The following ZNF76 variants were observed in gnomAD, a reference collection of about 807,000 sequenced individuals.
ZNF76 encodes zinc finger protein 523.
In ZNF76, 66 loss-of-function variants were observed where a neutral mutation model predicts 66.9. That is an observed-to-expected ratio of 0.99 (90% CI 0.81 to 1.21). The LOEUF is 1.21. Among genes scored for constraint, ZNF76 ranks in the 50% most tolerant of loss-of-function variants. The pLI is 0.00. For synonymous variants in ZNF76, 275 were observed against 296.1 expected (o/e 0.93, Z 0.73); for missense variants, 729 against 760.3 (o/e 0.96, Z 0.48).
rs1413725690 is a variant in ZNF76 at position 35,281,331 on chromosome 6, C to T, written c.73+107C>T. On this transcript the variant is annotated intron_variant, in intron 2 of 13. Transcript: ENST00000373953. Reference sequence around the variant, plus strand: ...TCACCTTGCCCTCCCGCCTGCTTACCCTTGCCCACCACCACAATTTGCTCT... The same window carrying T: ...TCACCTTGCCCTCCCGCCTGCTTACTCTTGCCCACCACCACAATTTGCTCT... 3.1e-6 allele frequency: 3 copies of T among 983,596 alleles called. No individual in the cohort carries two copies. In the Admixed American group the frequency reaches 5.6e-5, roughly 18 times the overall value. The allele number at this position is 983,596 out of a possible 1,614,324, so 60.9% of individuals were successfully genotyped here.
chr6:35,274,372 G>A (rs1451671662), intron 1 of ZNF76, among the ~76,000 whole-genome samples: 4 of 152,242 alleles, frequency 2.6e-5, no homozygotes, highest in Admixed American at 6.5e-5. Flanking sequence ...GAAGACAATA[G>A]AATAGCGAAC....
At position 35,290,295 on chromosome 6, in the gene ZNF76, T is replaced by C. The variant is rs753416409; in HGVS notation, c.462T>C (p.Asn154=). 52 of 1,614,084 alleles carry C rather than the reference T, an allele frequency of 3.2e-5. No individual in the cohort carries two copies. The highest frequency in any genetic ancestry group is 4.2e-5 in the Non-Finnish European group (49 of 1,180,002). ...KVLHDSQIPR[N]GKGQQVGDRA... The stretch of plus-strand genomic sequence containing the variant: ...TTCATGACAGCCAGATTCCCCGTAA[T>C]GGAAAAGGGCAGCAAGTTGGAGACA... The change falls in exon 6 of 14, where the codon AAT becomes AAC. Residue 154 remains asparagine, a synonymous_variant. Transcript: ENST00000373953.
intron 1 of ZNF76, among the ~76,000 whole-genome samples, chr6:35,265,957 G>A (rs369835298): frequency 7.0e-4 from 106 of 152,158 alleles, no homozygotes; most frequent in African/African-American, 2.5e-3. Flanking sequence ...AAGCTATAAC[G>A]GGGCAAAAAT....
At position 35,286,226 on chromosome 6, in the gene ZNF76, C is replaced by G; in HGVS notation, c.154+18C>G. 1 of 1,613,900 alleles carries G rather than the reference C, an allele frequency of 6.2e-7. No homozygotes were observed. Among genetic ancestry groups the G allele is most frequent in the Non-Finnish European group, 8.5e-7 (1 of 1,179,752 alleles). ...ACAGAAAGGTGAGGGCACCCCAACA[C>G]ACCATGCCTTGTCGAGGGAAGCCTG... is the stretch of plus-strand genomic sequence containing the variant. On this transcript the variant is annotated intron_variant, in intron 3 of 13. Coordinates refer to ENST00000373953, the MANE Select transcript of ZNF76 (RefSeq NM_003427.5).
chr6:35,291,390 C>T lies in ZNF76; in HGVS notation c.738C>T (p.Val246=). ...CCTCAGGAGACCTGCAGAAGCATGTCCGTACCCACACTGGTATGCTGGGCC... is the reference window on the plus strand; with the variant it reads ...CCTCAGGAGACCTGCAGAAGCATGTTCGTACCCACACTGGTATGCTGGGCC... ...FKTSGDLQKH[V]RTHTGERPFQ... is the part of the protein sequence containing the mutation. Residue 246 remains valine, a synonymous_variant, in exon 8 of 14, where the codon GTC becomes GTT. Transcript: ENST00000373953. 1 of 1,614,150 alleles carries T rather than the reference C, an allele frequency of 6.2e-7. No homozygotes were observed. Among genetic ancestry groups the T allele is most frequent in the South Asian group, 1.1e-5 (1 of 91,078 alleles).
At chr6:35,286,263 C>T in intron 3 of ZNF76, 55 bp downstream of exon 3, 1 of 1,613,004 alleles carries the variant, frequency 6.2e-7, no homozygotes, top group Non-Finnish European at 8.5e-7. Context: ...CAGCCCCCAC[C>T]AAGGGACCCC....
In ZNF76 at chr6:35,265,592, C is replaced by T. The variant is rs188106794; in HGVS notation, c.-97+5751C>T. Among the ~76,000 whole-genome samples the T allele has an allele frequency of 1.4e-4, 21 of 151,840 alleles. No homozygotes were observed. The East Asian group carries it at 4.1e-3, about 29-fold the overall frequency. Reference sequence around the variant, plus strand: ...TTTAAATAGGGTAGTTGAAGAGGTTCCCACTAAAAAGGTAACATTTGAGCA... The same window carrying T: ...TTTAAATAGGGTAGTTGAAGAGGTTTCCACTAAAAAGGTAACATTTGAGCA... On this transcript the variant is annotated intron_variant, in intron 1 of 13. Coordinates refer to ENST00000373953, the MANE Select transcript of ZNF76 (RefSeq NM_003427.5).
chr6:35,288,728 A>C (rs911133745), intron 5 of ZNF76, among the ~76,000 whole-genome samples: 1 of 152,218 alleles, frequency 6.6e-6, no homozygotes, highest in Non-Finnish European at 1.5e-5. Context: ...AGGCTGAGGC[A>C]GGTGGATCGC....
At position 35,292,652 on chromosome 6, in the gene ZNF76, C is replaced by G. The variant is rs1790578282; in HGVS notation, c.1030C>G (p.Pro344Ala). The change falls in exon 10 of 14, where the codon CCC (proline) becomes GCC (alanine). Residue 344 changes from proline to alanine, a missense_variant. Physicochemically the swap from Pro to Ala is conservative, Grantham distance 27. Transcript: ENST00000373953. The surrounding 1 kb of genome is among the most constrained non-coding windows in gnomAD (Gnocchi z 4.7). ...CCACGTGGTGCACACACACTGCAAG[C>G]CCTACACCTGCAGCACCTGCGGCAA... ...KHHVVHTHCK[P>A]YTCSTCGKTY... 1 of 1,614,040 alleles carries G rather than the reference C, an allele frequency of 6.2e-7. No individual in the cohort carries two copies. Among genetic ancestry groups the G allele is most frequent in the Non-Finnish European group, 8.5e-7 (1 of 1,180,050 alleles).
Position 35,292,896 on chromosome 6 carries a change from A to C in ZNF76, c.1181A>C (p.Glu394Ala). 1 of 1,614,178 alleles carries C rather than the reference A, an allele frequency of 6.2e-7. No individual in the cohort carries two copies. Among genetic ancestry groups the C allele is most frequent in the South Asian group, 1.1e-5 (1 of 91,074 alleles). ...QQQLEAASAA[E>A]ESPPPKRPRI... ...CCTCTCCCAGCCGCCTCTGCAGCCGAGGAGAGTCCGCCACCCAAACGACCC... is the reference window on the plus strand; with the variant it reads ...CCTCTCCCAGCCGCCTCTGCAGCCGCGGAGAGTCCGCCACCCAAACGACCC... The change falls in exon 11 of 14, where the codon GAG becomes GCG. Residue 394 changes from glutamate to alanine, a missense_variant. Transcript: ENST00000373953. The surrounding 1 kb of genome is among the most constrained non-coding windows in gnomAD (Gnocchi z 4.7).
At chr6:35,284,112 G>A (rs1365203297) in intron 2 of ZNF76, among the ~76,000 whole-genome samples, 1 of 150,340 alleles carries the variant, frequency 6.7e-6, no homozygotes, top group Non-Finnish European at 1.5e-5. Context: ...TTTTTTTTGA[G>A]ACGGAGTCTC....
chr6:35,281,309 C>A (rs1788737671), intron 2 of ZNF76, 85 bp downstream of exon 2: 1 of 1,299,586 alleles, frequency 7.7e-7, no homozygotes, highest in Non-Finnish European at 1.1e-6. Flanking sequence ...CCCACCATCA[C>A]CTTGCCCTCC....
At chr6:35,289,689 A>G (rs1180847079) in intron 5 of ZNF76, among the ~76,000 whole-genome samples, 2 of 152,102 alleles carry the variant, frequency 1.3e-5, no homozygotes, top group Non-Finnish European at 2.9e-5. Flanking sequence ...TAGAGCTGAC[A>G]TTTCTGGTGG....
At chr6:35,259,554 G>C (rs979917322), upstream of ZNF76, 1 of 152,260 alleles carries the variant, frequency 6.6e-6, no homozygotes, top group South Asian at 2.1e-4. Flanking sequence ...TTCAGATCCC[G>C]GCCGCCTGGG....
chr6:35,259,606 C>A (rs1439093398), upstream of ZNF76: 1 of 151,750 alleles, frequency 6.6e-6, no homozygotes, highest in Non-Finnish European at 1.5e-5. Flanking sequence ...ATGGCTGCCG[C>A]GGCGAAGCGG....
At chr6:35,291,135 C>G in intron 7 of ZNF76, 143 bp from the exon 8 acceptor site, 1 of 1,147,148 alleles carries the variant, frequency 8.7e-7, no homozygotes, top group Non-Finnish European at 1.2e-6. Flanking sequence ...CTTTTCCAGC[C>G]CCTGCCCAGG....
chr6:35,259,910 G>A (rs1054605515), intron 1 of ZNF76, 69 bp downstream of exon 1: 1 of 152,158 alleles, frequency 6.6e-6, no homozygotes, highest in African/African-American at 2.4e-5. Flanking sequence ...CAGGACCCCG[G>A]GAAGGTCCCG....
intron 1 of ZNF76, among the ~76,000 whole-genome samples, chr6:35,276,444 G>A (rs575301717): frequency 2.0e-5 from 3 of 152,276 alleles, no homozygotes; most frequent in African/African-American, 7.2e-5. Context: ...TAGAGTACAG[G>A]CATATGTGCC....
intron 1 of ZNF76, among the ~76,000 whole-genome samples, chr6:35,274,595 C>T (rs991781638): frequency 4.0e-4 from 61 of 152,292 alleles, no homozygotes; most frequent in African/African-American, 1.4e-3. Flanking sequence ...AGTAGTGGCA[C>T]ACACCTATAG....
Sources: allele counts gnomAD v4.1 joint callset (sites outside exome capture counted in the v4.1 genomes callset), GRCh38; gene constraint gnomAD v4.1.1; non-coding constraint Gnocchi (gnomAD v3.1); transcripts MANE v1.5; gene names NCBI Gene and HGNC (gene_info 2026-07-23, HGNC 2026-07-21).